ANKRD44: variants seen among roughly 807,000 people sequenced by gnomAD.
The protein encoded by ANKRD44 is ankyrin repeat domain 44.
ANKRD44 carries 35 observed loss-of-function variants against 116.0 expected under a neutral mutation model. That is an observed-to-expected ratio of 0.30 (90% CI 0.23 to 0.40). The LOEUF (loss-of-function observed/expected upper bound fraction) is 0.40. Among genes scored for constraint, ANKRD44 ranks in the 10% least tolerant of loss-of-function variants. ANKRD44 has a pLI of 1.00. For synonymous variants in ANKRD44, 435 were observed against 461.8 expected, an observed-to-expected ratio of 0.94 and a Z score of 0.74; for missense variants, 1,014 against 1,242.6, an observed-to-expected ratio of 0.82 and a Z score of 2.77.
At chr2:197,094,723 C>T (rs2078123042) in intron 10 of ANKRD44, among the ~76,000 whole-genome samples, 1 of 152,092 alleles carries the variant, frequency 6.6e-6, no homozygotes, top group Non-Finnish European at 1.5e-5. Flanking sequence ...GATGTTTTAC[C>T]CAAATGATCA....
chr2:197,071,331 G>A (rs2077554567), intron 16 of ANKRD44, among the ~76,000 whole-genome samples: 1 of 152,076 alleles, frequency 6.6e-6, no homozygotes, highest in African/African-American at 2.4e-5. Context: ...TAACCATTTT[G>A]TGCTAAAAAT....
chr2:197,160,511 T>C (rs1258007972), intron 2 of ANKRD44, among the ~76,000 whole-genome samples: 1 of 152,172 alleles, frequency 6.6e-6, no homozygotes, highest in East Asian at 1.9e-4. Context: ...AACCATTGCA[T>C]CTTGTATCCT....
In ANKRD44 at chr2:196,986,777, G is replaced by A; in HGVS notation, c.*2814C>T. On this transcript the variant is annotated 3_prime_UTR_variant, in exon 28 of 28. Coordinates refer to ENST00000282272, the MANE Select transcript of ANKRD44 (RefSeq NM_001195144.2). ...ATTAGAGCATTCAGTAGTTGCAAAA[G>A]TATTAAACTGTGCTTGAGAAGATTC... The A allele has an allele frequency of 1.0e-6, 1 of 985,110 alleles. No homozygotes were observed. The highest frequency in any genetic ancestry group is 4.7e-5 in the South Asian group (1 of 21,280). The allele number at this position is 985,110 out of a possible 1,614,324, so 61.0% of individuals were successfully genotyped here.
rs2075853610 is a variant in ANKRD44 at position 196,987,703 on chromosome 2, A to G, written c.*1888T>C. 2 of 985,448 alleles carry G rather than the reference A, an allele frequency of 2.0e-6. No homozygotes were observed. The highest frequency in any genetic ancestry group is 1.7e-5 in the African/African-American group (1 of 57,366). 61.0% of individuals were successfully genotyped at this position (985,448 alleles called of 1,614,324 possible). A position where few individuals can be genotyped will look rare whatever the true frequency, so the allele number is the denominator to read the frequency against. On this transcript the variant is annotated 3_prime_UTR_variant, in exon 28 of 28. Coordinates refer to ENST00000282272, the MANE Select transcript of ANKRD44 (RefSeq NM_001195144.2). ...GATTTTAGGCAATTTGGAGATAGTA[A>G]TGTATTTAGCAAAGACAGGCAGACA...
chr2:197,064,628 C>G (rs1422107877), intron 16 of ANKRD44, among the ~76,000 whole-genome samples: 2 of 150,676 alleles, frequency 1.3e-5, no homozygotes, highest in Non-Finnish European at 1.5e-5. Context: ...AAATGGAAAA[C>G]AAAAAAAAGG....
chr2:197,199,455 T>G (rs1185138645), intron 1 of ANKRD44, among the ~76,000 whole-genome samples: 1 of 152,230 alleles, frequency 6.6e-6, no homozygotes, highest in Non-Finnish European at 1.5e-5. Flanking sequence ...GTAGGTTTCC[T>G]GTTGCAACAA....
chr2:197,178,962 T>C (rs1401054417), intron 2 of ANKRD44, among the ~76,000 whole-genome samples: 1 of 152,126 alleles, frequency 6.6e-6, no homozygotes. Flanking sequence ...TCCCAAAACT[T>C]TGGGAGGCTG....
chr2:197,051,758 C>T (rs373279223), intron 16 of ANKRD44, among the ~76,000 whole-genome samples: 1 of 152,084 alleles, frequency 6.6e-6, no homozygotes, highest in Admixed American at 6.6e-5. Flanking sequence ...GATTCTCAAC[C>T]AGGGCATTGT....
chr2:197,243,111 G>T (rs905019764), intron 1 of ANKRD44, among the ~76,000 whole-genome samples: 1 of 152,182 alleles, frequency 6.6e-6, no homozygotes. Flanking sequence ...GATTGCAGTA[G>T]ATACACAGAA....
At chr2:197,102,680 T>C (rs2078321640) in intron 9 of ANKRD44, among the ~76,000 whole-genome samples, 1 of 152,218 alleles carries the variant, frequency 6.6e-6, no homozygotes, top group South Asian at 2.1e-4. Flanking sequence ...ACAATACTGA[T>C]ATCTAAACCA....
chr2:197,066,880 T>C (rs2077444676), intron 16 of ANKRD44, among the ~76,000 whole-genome samples: 1 of 152,162 alleles, frequency 6.6e-6, no homozygotes, highest in Admixed American at 6.6e-5. Context: ...ATAGATTCAA[T>C]GCCATCCCCA....
Position 197,203,438 on chromosome 2 carries a change from A to G in ANKRD44, c.28-16332T>C, listed in dbSNP as rs11679126. 0.56 allele frequency among the ~76,000 whole-genome samples: 85,027 copies of G among 151,990 alleles called. 28,043 individuals carry two copies. Among genetic ancestry groups the G allele is most frequent in the East Asian group, 0.88 (4,582 of 5,182 alleles). ...ATGGCTAAAACAAAACAAACAAACG[A>G]AACCCAGAAAACAGTGTTGGGAAGA... On this transcript the variant is annotated intron_variant, in intron 1 of 27. Coordinates refer to ENST00000282272, the MANE Select transcript of ANKRD44 (RefSeq NM_001195144.2). The surrounding 1 kb of genome is among the most constrained non-coding windows in gnomAD (Gnocchi z 4.1).
chr2:196,982,108 T>TTTATATATATATATATATATATA (rs150861089), downstream of ANKRD44, among the ~76,000 whole-genome samples: 8 of 96,552 alleles, frequency 8.3e-5, no homozygotes, highest in South Asian at 3.8e-4. Flanking sequence ...CTAAAAAAAA[T>TTTATATATATATATATATATATA]TATATATATA....
Position 197,007,882 on chromosome 2 carries a change from G to A in ANKRD44, c.2054C>T (p.Ala685Val), listed in dbSNP as rs777562635. ...TTCCTTTTCAAGTAACAATGAAACA[G>A]CGTCAATATGTCCATATGCTACTGC... ...MLAVAYGHID[A>V]VSLLLEKEAN... is the part of the protein sequence containing the mutation. The change falls in exon 20 of 28, where the codon GCT becomes GTT. Residue 685 changes from alanine (A) to valine (V), a missense_variant. Ala to Val is a moderately conservative substitution (Grantham distance 64). Transcript: ENST00000282272. The A allele has an allele frequency of 2.2e-5, 35 of 1,613,894 alleles. 2 individuals are homozygous for A. The South Asian group carries it at 3.6e-4, about 17-fold the overall frequency.
intron 1 of ANKRD44, among the ~76,000 whole-genome samples, chr2:197,220,353 T>C (rs1326101466): frequency 6.6e-6 from 1 of 152,232 alleles, no homozygotes; most frequent in Non-Finnish European, 1.5e-5. Context: ...TATGATGTTC[T>C]TGGTATCATA....
chr2:197,085,951 T>C (rs563006691), intron 13 of ANKRD44, among the ~76,000 whole-genome samples: 1 of 151,928 alleles, frequency 6.6e-6, no homozygotes, highest in East Asian at 1.9e-4. Flanking sequence ...TAGTGTGAGG[T>C]ACTCTGCAGT....
Position 196,974,364 on chromosome 2 carries a change from T to C in ANKRD44, c.2369-6918A>G, listed in dbSNP as rs184548994. ...TCCCAAAGTGCTGGGATTACAGGTA[T>C]GAGCCACTGAGCCTGGCCAAAACAA... On this transcript the variant is annotated intron_variant, in intron 21 of 21. Coordinates refer to the ANKRD44 transcript ENST00000424317. Among the ~76,000 whole-genome samples the C allele has an allele frequency of 8.7e-4, 133 of 152,232 alleles. No individual in the cohort carries two copies. In the East Asian group the frequency reaches 0.021, roughly 24 times the overall value.
chr2:197,109,379 G>A (rs2078512583), intron 9 of ANKRD44, among the ~76,000 whole-genome samples: 1 of 152,170 alleles, frequency 6.6e-6, no homozygotes, highest in African/African-American at 2.4e-5. Flanking sequence ...TAGAAATAAT[G>A]GGTATTGCAC....
intron 10 of ANKRD44, among the ~76,000 whole-genome samples, chr2:197,094,165 G>A (rs2078108549): frequency 1.3e-5 from 2 of 152,192 alleles, no homozygotes; most frequent in Admixed American, 1.3e-4. Context: ...CCTACATCCA[G>A]TCTTTTCTGA....
Sources: gnomAD v4.1 joint callset for allele counts (sites outside exome capture counted in the v4.1 genomes callset) on GRCh38, gnomAD v4.1.1 for gene constraint, Gnocchi (gnomAD v3.1) non-coding constraint, MANE v1.5 for transcripts, NCBI Gene and HGNC (gene_info 2026-07-23, HGNC 2026-07-21) for gene names.